The following FAM117B variants were observed in gnomAD, a reference collection of about 807,000 sequenced individuals.
FAM117B encodes family with sequence similarity 117 member B, also known as protein FAM117B.
In FAM117B, 22 loss-of-function variants were observed where a neutral mutation model predicts 52.8. The ratio of observed to expected loss-of-function variants is 0.42; its 90% CI spans 0.30 to 0.59. FAM117B has a LOEUF of 0.59. FAM117B is among the 20% of genes least tolerant of loss of function. FAM117B has a pLI of 0.22. For synonymous variants in FAM117B, 309 were observed against 324.1 expected (o/e 0.95, Z 0.50); for missense variants, 678 against 802.6 (o/e 0.84, Z 1.88).
chr2:202,691,649 TTGTGTGTGTGTGTGTGTGTGTGTGTG>T (rs199855927), intron 1 of FAM117B, among the ~76,000 whole-genome samples: 31 of 126,882 alleles, frequency 2.4e-4, no homozygotes, highest in African/African-American at 8.7e-4. Flanking sequence ...CCAGTTTACA[TTGTGTGTGTGTGTGTGTGTGTGTGTG>T]TGTGTGTGTG....
chr2:202,751,806 A>G (rs1392791601), intron 4 of FAM117B, among the ~76,000 whole-genome samples: 1 of 151,232 alleles, frequency 6.6e-6, no homozygotes, highest in East Asian at 1.9e-4. Flanking sequence ...AGGTTTTGAC[A>G]ATTGTATATC....
intron 1 of FAM117B, 53 bp downstream of exon 1, chr2:202,635,841 C>G: frequency 7.4e-7 from 1 of 1,351,308 alleles, no homozygotes; most frequent in Non-Finnish European, 9.5e-7. Flanking sequence ...GAAGGGGTCC[C>G]GGGCGCGCGC....
intron 1 of FAM117B, among the ~76,000 whole-genome samples, chr2:202,672,912 G>T (rs758294730): frequency 6.6e-6 from 1 of 151,818 alleles, no homozygotes; most frequent in Non-Finnish European, 1.5e-5. Context: ...AGCTGACATG[G>T]TGGCATGCAC....
intron 1 of FAM117B, among the ~76,000 whole-genome samples, chr2:202,657,989 A>G (rs536449891): frequency 6.6e-6 from 1 of 152,344 alleles, no homozygotes; most frequent in Non-Finnish European, 1.5e-5. Context: ...GGTGAAATGC[A>G]GAAATCACAC....
intron 4 of FAM117B, among the ~76,000 whole-genome samples, chr2:202,729,458 T>G (rs572068722): frequency 2.0e-5 from 3 of 152,228 alleles, no homozygotes; most frequent in Non-Finnish European, 4.4e-5. Flanking sequence ...TGTGTACTTC[T>G]GAGGCCATTC....
At chr2:202,735,424 A>G (rs1188541765) in intron 4 of FAM117B, among the ~76,000 whole-genome samples, 3 of 152,302 alleles carry the variant, frequency 2.0e-5, no homozygotes, top group African/African-American at 7.2e-5. Flanking sequence ...GTCTACAGCT[A>G]CTAGTTAACA....
Position 202,635,065 on chromosome 2 carries a change from C to A in FAM117B, c.-123C>A. The A allele has an allele frequency of 8.2e-7, 1 of 1,225,524 alleles. No individual in the cohort carries two copies. Among genetic ancestry groups the A allele is most frequent in the Non-Finnish European group, 1.0e-6 (1 of 974,274 alleles). 75.9% of individuals were successfully genotyped at this position (1,225,524 alleles called of 1,614,324 possible). On this transcript the variant is annotated 5_prime_UTR_variant, in exon 1 of 8. Transcript: ENST00000392238. The stretch of plus-strand genomic sequence containing the variant: ...CCCCGGCCCGGTCTCCCCCTGCACC[C>A]CGGAGTCCGGCTTCGTCACCCCGTC...
chr2:202,677,950 C>G lies in FAM117B; in HGVS notation c.602-17931C>G, dbSNP rs559339561. Among the ~76,000 whole-genome samples, 9 of 152,148 alleles carry G rather than the reference C, an allele frequency of 5.9e-5. No individual in the cohort carries two copies. The South Asian group carries it at 1.7e-3, about 28-fold the overall frequency. On this transcript the variant is annotated intron_variant, in intron 1 of 7. Coordinates refer to ENST00000392238, the MANE Select transcript of FAM117B (RefSeq NM_173511.4). The stretch of plus-strand genomic sequence containing the variant: ...TTTTTCTCCCTATTATTCATCTAGT[C>G]CTTGATGCATAGAAAACCATTTCGT...
At chr2:202,734,198 A>G (rs1691403112) in intron 4 of FAM117B, among the ~76,000 whole-genome samples, 1 of 152,066 alleles carries the variant, frequency 6.6e-6, no homozygotes, top group African/African-American at 2.4e-5. Context: ...GATTGCAGTG[A>G]TGGTCACACA....
chr2:202,654,872 A>G (rs1292036669), intron 1 of FAM117B, among the ~76,000 whole-genome samples: 1 of 151,942 alleles, frequency 6.6e-6, no homozygotes, highest in Non-Finnish European at 1.5e-5. Flanking sequence ...TCTCTTTACA[A>G]ATTACTCTAG....
At chr2:202,747,505 A>G (rs574992677) in intron 4 of FAM117B, among the ~76,000 whole-genome samples, 1 of 152,296 alleles carries the variant, frequency 6.6e-6, no homozygotes, top group South Asian at 2.1e-4. Flanking sequence ...ACATGATCTT[A>G]TATATGGAAA....
chr2:202,702,001 G>T (rs6755380), intron 2 of FAM117B, among the ~76,000 whole-genome samples: 1 of 152,050 alleles, frequency 6.6e-6, no homozygotes, highest in Non-Finnish European at 1.5e-5. Flanking sequence ...TTGTACTATG[G>T]GCAATATGCT....
chr2:202,732,625 C>A (rs1440585056), intron 4 of FAM117B, among the ~76,000 whole-genome samples: 3 of 151,994 alleles, frequency 2.0e-5, no homozygotes, highest in African/African-American at 7.3e-5. Flanking sequence ...TTGAAACCAC[C>A]CTGGCCAACA....
intron 1 of FAM117B, among the ~76,000 whole-genome samples, chr2:202,685,659 G>T (rs750407705): frequency 6.6e-6 from 1 of 152,196 alleles, no homozygotes; most frequent in Non-Finnish European, 1.5e-5. Context: ...TCTCGATAAA[G>T]GTTCCTAAGG....
intron 2 of FAM117B, among the ~76,000 whole-genome samples, chr2:202,714,533 C>CTTTTTTTT (rs1034689626): frequency 4.4e-4 from 52 of 117,624 alleles, no homozygotes; most frequent in Non-Finnish European, 7.0e-4. Context: ...TTTTTTTTTT[C>CTTTTTTTT]TTTTTTTTTT....
chr2:202,636,312 G>T lies in FAM117B; in HGVS notation c.601+524G>T, dbSNP rs1689685920. 2.0e-5 allele frequency among the ~76,000 whole-genome samples: 3 copies of T among 152,234 alleles called. No individual in the cohort carries two copies. In the South Asian group the frequency reaches 6.2e-4, roughly 32 times the overall value. Reference sequence around the variant, plus strand: ...CACTGAACAGAGGAGGCTGAGAACCGTGTTTTAGCATTTCCTAAGACTTGA... The same window carrying T: ...CACTGAACAGAGGAGGCTGAGAACCTTGTTTTAGCATTTCCTAAGACTTGA... On this transcript the variant is annotated intron_variant, in intron 1 of 7. Coordinates refer to ENST00000392238, the MANE Select transcript of FAM117B (RefSeq NM_173511.4).
At chr2:202,658,038 C>A (rs899036507) in intron 1 of FAM117B, among the ~76,000 whole-genome samples, 4 of 152,210 alleles carry the variant, frequency 2.6e-5, no homozygotes, top group African/African-American at 7.2e-5. Context: ...TACAGTGATT[C>A]TATATGTTAC....
intron 2 of FAM117B, among the ~76,000 whole-genome samples, chr2:202,703,356 TC>T (rs1690823713): frequency 6.6e-6 from 1 of 152,216 alleles, no homozygotes; most frequent in South Asian, 2.1e-4. Context: ...TGAACTTAAT[TC>T]CATCCTTACT....
At chr2:202,710,652 T>A (rs185414306) in intron 2 of FAM117B, among the ~76,000 whole-genome samples, 13 of 152,094 alleles carry the variant, frequency 8.5e-5, no homozygotes, top group Non-Finnish European at 1.6e-4. Flanking sequence ...AAATACTAGA[T>A]CTTATTCTAT....
Sources: gnomAD v4.1 joint callset for allele counts (sites outside exome capture counted in the v4.1 genomes callset) on GRCh38, gnomAD v4.1.1 for gene constraint, MANE v1.5 for transcripts, NCBI Gene and HGNC (gene_info 2026-07-23, HGNC 2026-07-21) for gene names.